Variants in INTS14 observed in about 807,000 individuals in gnomAD.
INTS14 encodes the protein integrator complex subunit 14, also known as UPF0464 protein C15orf44.
In INTS14, 27 loss-of-function variants were observed where a neutral mutation model predicts 56.9. The ratio of observed to expected loss-of-function variants is 0.47; its 90% CI spans 0.35 to 0.65. The LOEUF is 0.65. Ranked by LOEUF, INTS14 falls within the 30% of genes least tolerant of loss-of-function variation. The pLI, the probability that INTS14 is intolerant of heterozygous loss-of-function variation, is 0.00. For synonymous variants in INTS14, 207 were observed against 236.2 expected (o/e 0.88, Z 1.13); for missense variants, 517 against 632.2 (o/e 0.82, Z 1.95).
intron 2 of INTS14, 37 bp from the exon 3 acceptor site, chr15:65,605,273 T>C: frequency 4.1e-6 from 6 of 1,460,990 alleles, no homozygotes; most frequent in Non-Finnish European, 5.8e-6. Flanking sequence ...AGTTACTCTT[T>C]AGTTTTAATT....
Position 65,603,686 on chromosome 15 carries a change from C to T in INTS14, c.330+1443G>A, listed in dbSNP as rs550697624. On this transcript the variant is annotated intron_variant, in intron 3 of 11. Transcript: ENST00000313182. ...CATTACTGAGGAATCCTTTGTTTGA[C>T]CCCATAATGAAAAGTCACACACCAG... Among the ~76,000 whole-genome samples, 27 of 152,162 alleles carry T rather than the reference C, an allele frequency of 1.8e-4. No homozygotes were observed. The South Asian group carries it at 4.4e-3, about 25-fold the overall frequency.
At chr15:65,605,912 A>G (rs1053992754) in intron 2 of INTS14, among the ~76,000 whole-genome samples, 1 of 152,202 alleles carries the variant, frequency 6.6e-6, no homozygotes, top group African/African-American at 2.4e-5. Flanking sequence ...TTTAAAAAAA[A>G]TTTTTTAAGT....
chr15:65,582,136 T>A, intron 10 of INTS14, 117 bp from the exon 11 acceptor site: 1 of 869,266 alleles, frequency 1.2e-6, no homozygotes, highest in Non-Finnish European at 1.7e-6. Context: ...AGCTACAATG[T>A]CAAGATGAGG....
intron 3 of INTS14, among the ~76,000 whole-genome samples, chr15:65,602,862 C>T (rs1018799923): frequency 2.0e-5 from 3 of 152,072 alleles, no homozygotes; most frequent in African/African-American, 7.2e-5. Context: ...GAGACAGATT[C>T]AGGCTTGGCC....
At chr15:65,598,511 T>C in intron 5 of INTS14, 48 bp from the exon 6 acceptor site, 1 of 1,564,562 alleles carries the variant, frequency 6.4e-7, no homozygotes, top group Non-Finnish European at 8.7e-7. Flanking sequence ...ACGATACATA[T>C]GAAGTTAATT....
At chr15:65,588,430 C>G (rs1163261465) in intron 9 of INTS14, among the ~76,000 whole-genome samples, 1 of 151,666 alleles carries the variant, frequency 6.6e-6, no homozygotes, top group Non-Finnish European at 1.5e-5. Flanking sequence ...TTTGGGAGGC[C>G]GAGGCAGGAG....
At chr15:65,604,316 T>C (rs1013837968) in intron 3 of INTS14, among the ~76,000 whole-genome samples, 5 of 152,138 alleles carry the variant, frequency 3.3e-5, no homozygotes, top group African/African-American at 1.2e-4. Context: ...TCTCTTGACC[T>C]GGTGATCCGT....
intron 8 of INTS14, 105 bp downstream of exon 8, chr15:65,593,323 A>G (rs529143054): frequency 2.2e-6 from 3 of 1,359,610 alleles, no homozygotes; most frequent in South Asian, 3.0e-5. Flanking sequence ...AAAAGGAAAA[A>G]GGTGACAAGG....
chr15:65,594,713 T>G (rs1188582314), intron 7 of INTS14, among the ~76,000 whole-genome samples: 1 of 152,062 alleles, frequency 6.6e-6, no homozygotes, highest in Non-Finnish European at 1.5e-5. Context: ...CCTTCCCGTA[T>G]TTTTCTTTTC....
intron 1 of INTS14, among the ~76,000 whole-genome samples, chr15:65,610,304 A>G (rs1181539019): frequency 1.3e-5 from 2 of 152,178 alleles, no homozygotes; most frequent in East Asian, 1.9e-4. Context: ...GGTTGCAGTG[A>G]GCCGAGATCG....
chr15:65,583,257 T>A (rs2072694948), intron 10 of INTS14, among the ~76,000 whole-genome samples: 1 of 152,174 alleles, frequency 6.6e-6, no homozygotes, highest in African/African-American at 2.4e-5. Flanking sequence ...GTAACAGCAT[T>A]ATCCACAATA....
chr15:65,584,651 A>C, intron 10 of INTS14, 119 bp downstream of exon 10: 3 of 795,486 alleles, frequency 3.8e-6, no homozygotes, highest in Non-Finnish European at 5.9e-6. Context: ...AATAATGACA[A>C]ACATTAGAAG....
intron 2 of INTS14, 72 bp downstream of exon 2, chr15:65,607,087 A>C (rs2073680424): frequency 6.5e-7 from 1 of 1,534,584 alleles, no homozygotes; most frequent in Non-Finnish European, 8.8e-7. Context: ...TAAATATTCA[A>C]CGCATTATAA....
Position 65,579,691 on chromosome 15 carries a change from T to C in INTS14, c.1306-32A>G, listed in dbSNP as rs74830219. On this transcript the variant is annotated intron_variant, in intron 11 of 11. Coordinates refer to ENST00000313182, the MANE Select transcript of INTS14 (RefSeq NM_001394796.1). ...CAAGACAGAAAATCACCAATGCTCC[T>C]GAAATGTGTTCCTAACACATACTTT... is the stretch of plus-strand genomic sequence containing the variant. 976 of 1,601,184 alleles carry C rather than the reference T, an allele frequency of 6.1e-4. 7 individuals are homozygous for C. The African/African-American group carries it at 0.011, about 17-fold the overall frequency.
chr15:65,604,631 G>C (rs1047475441), intron 3 of INTS14, among the ~76,000 whole-genome samples: 1 of 150,724 alleles, frequency 6.6e-6, no homozygotes, highest in Non-Finnish European at 1.5e-5. Context: ...TCAGGAGGAC[G>C]AAGTGGGAGA....
intron 1 of INTS14, among the ~76,000 whole-genome samples, chr15:65,608,151 G>A (rs1458216587): frequency 1.3e-5 from 2 of 152,060 alleles, no homozygotes; most frequent in East Asian, 1.9e-4. Flanking sequence ...CCAGGTGGGC[G>A]GATCTCTTGA....
intron 3 of INTS14, among the ~76,000 whole-genome samples, chr15:65,603,181 G>A (rs1280016548): frequency 1.3e-5 from 2 of 152,104 alleles, no homozygotes; most frequent in Non-Finnish European, 2.9e-5. Flanking sequence ...TTTCAGAAAA[G>A]AAATTGATCA....
chr15:65,600,028 CT>C, intron 3 of INTS14, 99 bp from the exon 4 acceptor site: 5 of 1,342,026 alleles, frequency 3.7e-6, no homozygotes, highest in Middle Eastern at 2.5e-4. Flanking sequence ...GGCACCAGGG[CT>C]GGCTATGGTG....
intron 10 of INTS14, 74 bp from the exon 11 acceptor site, chr15:65,582,093 T>C: frequency 1.6e-6 from 2 of 1,285,086 alleles, no homozygotes; most frequent in South Asian, 1.3e-5. Flanking sequence ...AAAGAATGGA[T>C]CTAAATGTTT....
Sources: allele counts gnomAD v4.1 joint callset (sites outside exome capture counted in the v4.1 genomes callset), GRCh38; gene constraint gnomAD v4.1.1; transcripts MANE v1.5; gene names NCBI Gene and HGNC (gene_info 2026-07-23, HGNC 2026-07-21).